DEUP1: variants seen among roughly 807,000 people sequenced by gnomAD.
DEUP1 encodes the protein coiled-coil domain containing 67.
DEUP1 carries 82 observed loss-of-function variants against 87.4 expected under a neutral mutation model. The observed-to-expected ratio is 0.94, with a 90% CI of 0.78 to 1.13. The LOEUF is 1.13. DEUP1 is among the 50% of genes most tolerant of loss of function. The pLI is 0.00. For synonymous variants in DEUP1, 214 were observed against 222.7 expected (o/e 0.96, Z 0.35); for missense variants, 663 against 681.5 (o/e 0.97, Z 0.30).
intron 7 of DEUP1, among the ~76,000 whole-genome samples, chr11:93,378,304 T>A (rs550405462): frequency 6.6e-6 from 1 of 152,160 alleles, no homozygotes; most frequent in African/African-American, 2.4e-5. Context: ...TTCATTTTTT[T>A]AAATTCTTTT....
intron 12 of DEUP1, 157 bp downstream of exon 12, chr11:93,408,584 C>G (rs186254585): frequency 5.6e-5 from 27 of 482,302 alleles, no homozygotes; most frequent in African/African-American, 5.2e-4. Flanking sequence ...AGGCTAGATA[C>G]ATTGCTTTAT....
intron 9 of DEUP1, among the ~76,000 whole-genome samples, chr11:93,389,838 G>T (rs1946713749): frequency 6.6e-6 from 1 of 152,058 alleles, no homozygotes; most frequent in Admixed American, 6.5e-5. Flanking sequence ...CTCAGAGGAA[G>T]TATCTAGTAA....
chr11:93,386,725 C>T (rs1946578078), intron 8 of DEUP1, among the ~76,000 whole-genome samples: 1 of 152,120 alleles, frequency 6.6e-6, no homozygotes, highest in African/African-American at 2.4e-5. Flanking sequence ...TCTGCATTAT[C>T]GAATGCTCTG....
intron 8 of DEUP1, among the ~76,000 whole-genome samples, chr11:93,386,012 C>T (rs938289666): frequency 6.6e-6 from 1 of 151,148 alleles, no homozygotes; most frequent in Non-Finnish European, 1.5e-5. Context: ...GTGATCGTGC[C>T]ACTGTACACC....
intron 2 of DEUP1, among the ~76,000 whole-genome samples, chr11:93,336,139 A>G (rs1052638142): frequency 6.6e-6 from 1 of 152,242 alleles, no homozygotes; most frequent in African/African-American, 2.4e-5. Context: ...AACAAAACCC[A>G]AAAAACAAAT....
intron 13 of DEUP1, among the ~76,000 whole-genome samples, chr11:93,415,783 A>T (rs1036080591): frequency 6.6e-6 from 1 of 151,898 alleles, no homozygotes; most frequent in Non-Finnish European, 1.5e-5. Flanking sequence ...TTTTAGATTG[A>T]TCATCACCCA....
At chr11:93,381,004 T>C (rs2134307081) in intron 7 of DEUP1, among the ~76,000 whole-genome samples, 1 of 152,328 alleles carries the variant, frequency 6.6e-6, no homozygotes, top group South Asian at 2.1e-4. Context: ...CTGAAAGATT[T>C]CTACTCTCAG....
intron 11 of DEUP1, among the ~76,000 whole-genome samples, chr11:93,400,302 G>C (rs944087734): frequency 6.6e-6 from 1 of 152,162 alleles, no homozygotes; most frequent in Non-Finnish European, 1.5e-5. Context: ...GAAACCTGTA[G>C]AAGAGAATGT....
At chr11:93,414,469 T>C (rs1330792967) in intron 12 of DEUP1, among the ~76,000 whole-genome samples, 1 of 152,102 alleles carries the variant, frequency 6.6e-6, no homozygotes, top group Non-Finnish European at 1.5e-5. Flanking sequence ...ATCGCGCCAC[T>C]GCACTCCAGC....
At chr11:93,419,477 G>C (rs1036703571) in intron 13 of DEUP1, among the ~76,000 whole-genome samples, 4 of 152,138 alleles carry the variant, frequency 2.6e-5, no homozygotes, top group African/African-American at 9.7e-5. Context: ...TGGCAGATTA[G>C]CATTCAAAGT....
chr11:93,389,782 A>G (rs1218381290), intron 9 of DEUP1, among the ~76,000 whole-genome samples: 1 of 152,270 alleles, frequency 6.6e-6, no homozygotes, highest in Admixed American at 6.5e-5. Flanking sequence ...ACCCTAAGGT[A>G]AAATCTATGA....
chr11:93,385,559 T>A lies in DEUP1; in HGVS notation c.935+16T>A. ...ATAAAACAAGGTATAATCTTTATAT[T>A]TGACAATCTGAGAGAACTGTTCAAA... On this transcript the variant is annotated intron_variant, in intron 8 of 13. Transcript: ENST00000298050. The A allele has an allele frequency of 3.8e-6, 6 of 1,572,844 alleles. No homozygotes were observed. Among genetic ancestry groups the A allele is most frequent in the Non-Finnish European group, 5.1e-6 (6 of 1,165,542 alleles).
intron 12 of DEUP1, 148 bp downstream of exon 12, chr11:93,408,575 G>A (rs927634248): frequency 2.3e-5 from 12 of 514,400 alleles, no homozygotes; most frequent in African/African-American, 4.0e-5. Context: ...AGATAATGTA[G>A]GCTAGATACA....
chr11:93,417,705 A>T (rs1380117698), intron 13 of DEUP1, among the ~76,000 whole-genome samples: 1 of 145,652 alleles, frequency 6.9e-6, no homozygotes, highest in Non-Finnish European at 1.5e-5. Context: ...GGAACCAAAA[A>T]AGAGCCCTCA....
chr11:93,389,702 A>G (rs1168837263), intron 9 of DEUP1, among the ~76,000 whole-genome samples: 1 of 152,248 alleles, frequency 6.6e-6, no homozygotes, highest in African/African-American at 2.4e-5. Context: ...TTTCTTCAAC[A>G]TTACACAGCT....
intron 6 of DEUP1, among the ~76,000 whole-genome samples, chr11:93,370,814 C>T (rs538456568): frequency 1.3e-5 from 2 of 152,206 alleles, no homozygotes; most frequent in Admixed American, 1.3e-4. Context: ...TCCTTCTCTA[C>T]TCTACATCTT....
rs2134363744 is a variant in DEUP1, at chr11:93,394,466, G to A, written c.1049G>A (p.Ser350Asn). Reference sequence around the variant, plus strand: ...AGTCTCTATCTGCTGCAGATAAGAAGCCAACTCCAACAGGTGGAAGAGTAC... The same window carrying A: ...AGTCTCTATCTGCTGCAGATAAGAAACCAACTCCAACAGGTGGAAGAGTAC... Reference protein sequence around the residue: ...NHEKELNKIRSQLQQVEEYHN... With the variant: ...NHEKELNKIRNQLQQVEEYHN... Residue 350 changes from serine to asparagine, a missense_variant, in exon 10 of 14, where the codon AGC (serine) becomes AAC (asparagine). Transcript: ENST00000298050. 1.9e-6 allele frequency: 3 copies of A among 1,562,816 alleles called. No individual in the cohort carries two copies. The highest frequency in any genetic ancestry group is 2.6e-6 in the Non-Finnish European group (3 of 1,159,894).
chr11:93,359,021 AG>A (rs908675067), intron 4 of DEUP1, among the ~76,000 whole-genome samples: 1 of 152,216 alleles, frequency 6.6e-6, no homozygotes, highest in African/African-American at 2.4e-5. Context: ...TCTAGTTAAA[AG>A]AAAAAGAGGA....
intron 2 of DEUP1, among the ~76,000 whole-genome samples, chr11:93,337,749 G>A (rs979131343): frequency 2.0e-5 from 3 of 152,170 alleles, no homozygotes; most frequent in Non-Finnish European, 4.4e-5. Context: ...AGGAGAGAGA[G>A]GGAGGAAGGA....
Sources: allele counts gnomAD v4.1 joint callset (sites outside exome capture counted in the v4.1 genomes callset), GRCh38; gene constraint gnomAD v4.1.1; transcripts MANE v1.5; gene names NCBI Gene and HGNC (gene_info 2026-07-23, HGNC 2026-07-21).